Variants in LGR5 observed in about 807,000 individuals in gnomAD.
The protein encoded by LGR5 is leucine-rich repeat-containing G protein-coupled receptor 5.
LGR5 carries 54 observed loss-of-function variants against 76.7 expected under a neutral mutation model. The ratio of observed to expected loss-of-function variants is 0.70; its 90% confidence interval spans 0.57 to 0.88. The LOEUF (loss-of-function observed/expected upper bound fraction) is 0.88, where lower values mean the gene tolerates loss of function less well. Among genes scored for constraint, LGR5 ranks in the 40% least tolerant of loss-of-function variants. The probability of loss-of-function intolerance (pLI) is 0.00; values close to 1 mark genes in which losing one functional copy is unlikely to be tolerated. For missense variants in LGR5, 1,078 were observed against 1,073.3 expected (o/e 1.00, Z -0.06); for synonymous variants, 406 against 421.9 (o/e 0.96, Z 0.46).
At chr12:71,455,924 A>C (rs1357740484) in intron 1 of LGR5, among the ~76,000 whole-genome samples, 1 of 152,200 alleles carries the variant, frequency 6.6e-6, no homozygotes, top group Non-Finnish European at 1.5e-5. Flanking sequence ...CCTCTAAAAC[A>C]CTGAGAGATT....
intron 1 of LGR5, among the ~76,000 whole-genome samples, chr12:71,497,471 A>G (rs1874385724): frequency 1.3e-5 from 2 of 152,202 alleles, no homozygotes; most frequent in Admixed American, 1.3e-4. Context: ...TTATACTTCA[A>G]TAAAAAAAAT....
chr12:71,490,829 G>T (rs1311636855), intron 1 of LGR5, among the ~76,000 whole-genome samples: 2 of 152,168 alleles, frequency 1.3e-5, no homozygotes, highest in African/African-American at 2.4e-5. Flanking sequence ...GAAGGCTGTT[G>T]TAAGGCCAGT....
At position 71,545,161 on chromosome 12, in the gene LGR5, T is replaced by C. The variant is rs532581048; in HGVS notation, c.429-7912T>C. 4.6e-5 allele frequency among the ~76,000 whole-genome samples: 7 copies of C among 152,162 alleles called. No individual in the cohort carries two copies. The South Asian group carries it at 1.5e-3, about 32-fold the overall frequency. ...AAAATAAATCTTTTTATAATGCTCATCCAGCCGGGCACAGTGGCTCACCCC... is the reference window on the plus strand; with the variant it reads ...AAAATAAATCTTTTTATAATGCTCACCCAGCCGGGCACAGTGGCTCACCCC... On this transcript the variant is annotated intron_variant, in intron 4 of 17. Coordinates refer to ENST00000266674, the MANE Select transcript of LGR5 (RefSeq NM_003667.4).
At chr12:71,512,182 G>T (rs12299680) in intron 2 of LGR5, among the ~76,000 whole-genome samples, 1 of 151,998 alleles carries the variant, frequency 6.6e-6, no homozygotes, top group Non-Finnish European at 1.5e-5. Flanking sequence ...GTAGAGATGG[G>T]GTTTCACCAT....
At chr12:71,551,390 C>T (rs572422605) in intron 4 of LGR5, among the ~76,000 whole-genome samples, 49 of 152,328 alleles carry the variant, frequency 3.2e-4, no homozygotes, top group South Asian at 6.2e-4. Flanking sequence ...TGGTGTGCTT[C>T]CTGCATCTGT....
intron 4 of LGR5, among the ~76,000 whole-genome samples, chr12:71,543,572 A>G (rs1876993211): frequency 6.6e-6 from 1 of 152,222 alleles, no homozygotes; most frequent in South Asian, 2.1e-4. Context: ...AGAGCTTTGA[A>G]TATCAGAATG....
At chr12:71,547,120 G>A (rs1358105670) in intron 4 of LGR5, among the ~76,000 whole-genome samples, 2 of 152,154 alleles carry the variant, frequency 1.3e-5, no homozygotes, top group Admixed American at 6.5e-5. Flanking sequence ...CTCATCAGTT[G>A]TAGCCCTCTA....
intron 2 of LGR5, among the ~76,000 whole-genome samples, chr12:71,517,410 A>G (rs2137327885): frequency 6.6e-6 from 1 of 152,380 alleles, no homozygotes; most frequent in African/African-American, 2.4e-5. Context: ...TGCCCAAAAA[A>G]GAAAACCAAT....
chr12:71,476,605 T>C (rs896983492), intron 1 of LGR5, among the ~76,000 whole-genome samples: 28 of 152,174 alleles, frequency 1.8e-4, no homozygotes, highest in Admixed American at 1.8e-3. Context: ...TGGTGGATCG[T>C]TGATGGCATC....
In LGR5 at chr12:71,440,247, G is replaced by A. The variant is rs1871698654; in HGVS notation, c.167G>A (p.Gly56Glu). 4 of 1,613,138 alleles carry A rather than the reference G, an allele frequency of 2.5e-6. No homozygotes were observed. The highest frequency in any genetic ancestry group is 3.4e-6 in the Non-Finnish European group (4 of 1,179,958). Residue 56 changes from glycine (G) to glutamate (E), a missense_variant, in exon 1 of 18, where the codon GGG becomes GAG. Coordinates refer to ENST00000266674, the MANE Select transcript of LGR5 (RefSeq NM_003667.4). The surrounding 1 kb of genome is among the most constrained non-coding windows in gnomAD (Gnocchi z 5.3). ...CTCAGGGTGGACTGCTCCGACCTGG[G>A]GCTCTCGGAGCTGCCTTCCAACCTC... ...MLLRVDCSDL[G>E]LSELPSNLSV...
chr12:71,574,427 C>T (rs1474619677), intron 13 of LGR5, among the ~76,000 whole-genome samples: 1 of 151,802 alleles, frequency 6.6e-6, no homozygotes, highest in Non-Finnish European at 1.5e-5. Context: ...CATTCAGTCA[C>T]TCACCAAACT....
intron 1 of LGR5, among the ~76,000 whole-genome samples, chr12:71,495,717 T>G (rs1874283607): frequency 6.6e-6 from 1 of 151,266 alleles, no homozygotes; most frequent in South Asian, 2.1e-4. Context: ...GGACTCAAAC[T>G]AAGACAAAAT....
chr12:71,499,831 C>T (rs1252071830), intron 1 of LGR5, among the ~76,000 whole-genome samples: 1 of 152,052 alleles, frequency 6.6e-6, no homozygotes, highest in Non-Finnish European at 1.5e-5. Context: ...TTTTGGGTAG[C>T]AGTGGCTCTG....
chr12:71,455,178 CA>C (rs1384875421), intron 1 of LGR5, among the ~76,000 whole-genome samples: 1 of 152,134 alleles, frequency 6.6e-6, no homozygotes, highest in African/African-American at 2.4e-5. Context: ...CTCCCCAAGG[CA>C]AATTCAATAT....
In LGR5 at chr12:71,494,238, G is replaced by A. The variant is rs1025960867; in HGVS notation, c.213-10376G>A. Among the ~76,000 whole-genome samples the A allele has an allele frequency of 4.0e-5, 6 of 150,688 alleles. No individual in the cohort carries two copies. In the South Asian group the frequency reaches 1.0e-3, roughly 26 times the overall value. ...TGGGATTACAGGCGTGAGCCACTGC[G>A]CCCGGCCTTGATTTTTTTTTGTAGA... On this transcript the variant is annotated intron_variant, in intron 1 of 17. Coordinates refer to ENST00000266674, the MANE Select transcript of LGR5 (RefSeq NM_003667.4).
intron 7 of LGR5, among the ~76,000 whole-genome samples, chr12:71,560,471 C>T (rs1878000256): frequency 6.6e-6 from 1 of 152,078 alleles, no homozygotes; most frequent in Non-Finnish European, 1.5e-5. Flanking sequence ...CCAGGGGTGG[C>T]AAAGGCAGAA....
intron 3 of LGR5, among the ~76,000 whole-genome samples, chr12:71,528,876 C>T (rs866989235): frequency 6.6e-6 from 1 of 152,108 alleles, no homozygotes; most frequent in Non-Finnish European, 1.5e-5. Flanking sequence ...GGAGGGATCT[C>T]CAGGGCCTTT....
chr12:71,528,327 G>A (rs888942339), intron 3 of LGR5, among the ~76,000 whole-genome samples: 3 of 152,008 alleles, frequency 2.0e-5, no homozygotes, highest in Non-Finnish European at 4.4e-5. Context: ...GCATGGTGGC[G>A]AACACCTGTG....
chr12:71,503,457 T>C (rs1205861786), intron 1 of LGR5, among the ~76,000 whole-genome samples: 1 of 152,188 alleles, frequency 6.6e-6, no homozygotes, highest in African/African-American at 2.4e-5. Flanking sequence ...TAATAAAATA[T>C]TTTCTCTTCT....
Sources: gnomAD v4.1 joint callset for allele counts (sites outside exome capture counted in the v4.1 genomes callset) on GRCh38, gnomAD v4.1.1 for gene constraint, Gnocchi (gnomAD v3.1) non-coding constraint, MANE v1.5 for transcripts, NCBI Gene and HGNC (gene_info 2026-07-23, HGNC 2026-07-21) for gene names.